STAU2: variants seen among roughly 807,000 people sequenced by gnomAD.
STAU2 encodes the protein double-stranded RNA-binding protein Staufen homolog 2.
STAU2 carries 20 observed loss-of-function variants against 65.9 expected under a neutral mutation model. The ratio of observed to expected loss-of-function variants is 0.30; its 90% CI spans 0.21 to 0.44. The LOEUF (loss-of-function observed/expected upper bound fraction) is 0.44, where lower values mean the gene tolerates loss of function less well. Among genes scored for constraint, STAU2 ranks in the 20% least tolerant of loss-of-function variants. STAU2 has a pLI of 1.00. For synonymous variants in STAU2, 232 were observed against 233.9 expected (o/e 0.99, Z 0.07); for missense variants, 558 against 683.9 (o/e 0.82, Z 2.05).
intron 1 of STAU2, 25 bp from the exon 2 acceptor site, chr8:73,739,893 T>A (rs1178256280): frequency 3.7e-6 from 3 of 814,048 alleles, no homozygotes; most frequent in Non-Finnish European, 6.1e-6. Flanking sequence ...ATAGCAGAAA[T>A]AATGAGATAC....
chr8:73,495,662 AATATATAT>A (rs3032943), intron 13 of STAU2, among the ~76,000 whole-genome samples: 35 of 132,420 alleles, frequency 2.6e-4, no homozygotes, highest in South Asian at 1.3e-3. Context: ...CATAAAGCCA[AATATATAT>A]ATATATATAT....
chr8:73,533,903 C>T (rs1164300394), intron 13 of STAU2, among the ~76,000 whole-genome samples: 2 of 152,082 alleles, frequency 1.3e-5, no homozygotes, highest in Non-Finnish European at 2.9e-5. Flanking sequence ...GCTAAAAGTC[C>T]TTGATGTTGC....
chr8:73,659,868 T>A (rs1816697708), intron 6 of STAU2, among the ~76,000 whole-genome samples: 1 of 152,190 alleles, frequency 6.6e-6, no homozygotes, highest in Admixed American at 6.5e-5. Flanking sequence ...TTAATCAGAT[T>A]TAAGTCATGG....
chr8:73,597,707 G>A (rs972135889), intron 10 of STAU2, among the ~76,000 whole-genome samples: 11 of 143,080 alleles, frequency 7.7e-5, no homozygotes, highest in Non-Finnish European at 1.1e-4. Flanking sequence ...AATACTGAGA[G>A]CAATTTCATG....
intron 5 of STAU2, among the ~76,000 whole-genome samples, chr8:73,676,310 G>A (rs1178456683): frequency 1.3e-5 from 2 of 152,150 alleles, no homozygotes; most frequent in Admixed American, 6.5e-5. Context: ...GAGGGGAATG[G>A]ACTATCTTTT....
intron 3 of STAU2, among the ~76,000 whole-genome samples, chr8:73,734,624 T>G (rs576441041): frequency 6.6e-6 from 1 of 151,996 alleles, no homozygotes; most frequent in Admixed American, 6.6e-5. Flanking sequence ...TGAAACTCCA[T>G]CTCTACTAAG....
chr8:73,477,134 C>T (rs1303510208), intron 13 of STAU2, among the ~76,000 whole-genome samples: 1 of 151,988 alleles, frequency 6.6e-6, no homozygotes, highest in African/African-American at 2.4e-5. Context: ...CACCTGGGGA[C>T]ACTAAGAGGT....
At chr8:73,658,770 G>A (rs1423780045) in intron 6 of STAU2, among the ~76,000 whole-genome samples, 1 of 151,972 alleles carries the variant, frequency 6.6e-6, no homozygotes, top group Non-Finnish European at 1.5e-5. Flanking sequence ...AAAATTAGCT[G>A]GGCATGGTGG....
rs1005721101 is a variant in STAU2 at position 73,494,886 on chromosome 8, C to T, written c.1530+57126G>A. On this transcript the variant is annotated intron_variant, in intron 13 of 14. Transcript: ENST00000524300. ...ATAAATTTTGTAGATTACTGATTTA[C>T]ATGCATGTGGAAGGAAAAGCAAAAT... Among the ~76,000 whole-genome samples, 4 of 151,686 alleles carry T rather than the reference C, an allele frequency of 2.6e-5. No individual in the cohort carries two copies. The South Asian group carries it at 8.3e-4, about 31-fold the overall frequency.
rs78995730 is a variant in STAU2 at position 73,721,263 on chromosome 8, G to T, written c.-17-12101C>A. ...CATGGTGGTACCACTTCACTACAGCGTGAACAAAGCAAAACCCCACCTCCA... is the reference window on the plus strand; with the variant it reads ...CATGGTGGTACCACTTCACTACAGCTTGAACAAAGCAAAACCCCACCTCCA... On this transcript the variant is annotated intron_variant, in intron 3 of 14. Transcript: ENST00000524300. Among the ~76,000 whole-genome samples, 873 of 103,122 alleles carry T rather than the reference G, an allele frequency of 8.5e-3. 4 individuals carry two copies. Among genetic ancestry groups the T allele is most frequent in the African/African-American group, 0.033 (817 of 24,740 alleles). 67.7% of individuals were successfully genotyped at this position (103,122 alleles called of 152,430 possible).
At chr8:73,745,498 G>C (rs948574961) in intron 1 of STAU2, among the ~76,000 whole-genome samples, 1 of 152,220 alleles carries the variant, frequency 6.6e-6, no homozygotes, top group African/African-American at 2.4e-5. Flanking sequence ...TTGATTTCAA[G>C]TATTCACGAT....
intron 12 of STAU2, among the ~76,000 whole-genome samples, chr8:73,580,301 T>C (rs1309544602): frequency 6.6e-6 from 1 of 152,242 alleles, no homozygotes; most frequent in Non-Finnish European, 1.5e-5. Flanking sequence ...ATTTTATAAA[T>C]GTTACATAAT....
intron 13 of STAU2, among the ~76,000 whole-genome samples, chr8:73,528,536 C>T (rs1805594428): frequency 6.6e-6 from 1 of 152,016 alleles, no homozygotes; most frequent in African/African-American, 2.4e-5. Flanking sequence ...CAAAAACTTC[C>T]AGGTTTTTAA....
chr8:73,447,118 G>T (rs1180428428), intron 13 of STAU2, among the ~76,000 whole-genome samples: 1 of 151,980 alleles, frequency 6.6e-6, no homozygotes, highest in Non-Finnish European at 1.5e-5. Flanking sequence ...GCTAATTTTT[G>T]TATTTTCAGT....
chr8:73,421,511 C>A, intron 14 of STAU2, 46 bp from the exon 15 acceptor site: 1 of 1,516,890 alleles, frequency 6.6e-7, no homozygotes, highest in Non-Finnish European at 8.9e-7. Flanking sequence ...TGGGGTTGCA[C>A]ATCTTCAGAC....
intron 9 of STAU2, among the ~76,000 whole-genome samples, chr8:73,612,561 T>C (rs959179598): frequency 1.3e-5 from 2 of 152,200 alleles, no homozygotes; most frequent in African/African-American, 4.8e-5. Flanking sequence ...TAGTCTACCT[T>C]ACATATAACA....
intron 13 of STAU2, among the ~76,000 whole-genome samples, chr8:73,445,722 G>A (rs370845015): frequency 7.9e-5 from 12 of 152,326 alleles, no homozygotes; most frequent in Admixed American, 3.9e-4. Context: ...TTTCACCAAA[G>A]AGGATTTACG....
At chr8:73,595,507 G>A (rs2129635676) in intron 10 of STAU2, among the ~76,000 whole-genome samples, 1 of 152,150 alleles carries the variant, frequency 6.6e-6, no homozygotes, top group Middle Eastern at 3.4e-3. Context: ...ATTATCTCAG[G>A]ATGGTAGAAT....
At chr8:73,676,020 C>G (rs1818008432) in intron 5 of STAU2, among the ~76,000 whole-genome samples, 1 of 152,056 alleles carries the variant, frequency 6.6e-6, no homozygotes, top group Non-Finnish European at 1.5e-5. Flanking sequence ...CATGGGAAGT[C>G]TATGTACTAT....
Sources: gnomAD v4.1 joint callset for allele counts (sites outside exome capture counted in the v4.1 genomes callset) on GRCh38, gnomAD v4.1.1 for gene constraint, MANE v1.5 for transcripts, NCBI Gene and HGNC (gene_info 2026-07-23, HGNC 2026-07-21) for gene names.